The following ALOX5 variants were observed in gnomAD, a reference collection of about 807,000 sequenced individuals.
The protein encoded by ALOX5 is polyunsaturated fatty acid 5-lipoxygenase.
Under a neutral mutation model 87.9 loss-of-function variants are expected in ALOX5, and 64 were observed. The ratio of observed to expected loss-of-function variants is 0.73; its 90% CI spans 0.60 to 0.90. The LOEUF is 0.90. ALOX5 is among the 40% of genes least tolerant of loss of function. The pLI is 0.00. For missense variants in ALOX5, 822 were observed against 907.5 expected, an observed-to-expected ratio of 0.91 and a Z score of 1.21; for synonymous variants, 388 against 355.1, an observed-to-expected ratio of 1.09 and a Z score of -1.04.
chr10:45,445,380 T>C (rs1039018529), intron 13 of ALOX5, 128 bp from the exon 14 acceptor site: 10 of 1,145,260 alleles, frequency 8.7e-6, no homozygotes, highest in African/African-American at 6.2e-5. Flanking sequence ...AGGGTGAATA[T>C]GGGGAGGTGA....
intron 5 of ALOX5, among the ~76,000 whole-genome samples, chr10:45,424,384 C>T (rs1199211260): frequency 6.6e-6 from 1 of 152,216 alleles, no homozygotes; most frequent in Non-Finnish European, 1.5e-5. Context: ...CACCCTCAAC[C>T]TCATTTCACT....
rs1840480725 is a variant in ALOX5 at position 45,395,858 on chromosome 10, A to T, written c.353A>T (p.Lys118Met). 1.9e-6 allele frequency: 3 copies of T among 1,614,184 alleles called. No individual in the cohort carries two copies. Among genetic ancestry groups the T allele is most frequent in the Non-Finnish European group, 2.5e-6 (3 of 1,180,006 alleles). The change falls in exon 3 of 14, where the codon AAG becomes ATG. Residue 118 changes from lysine (K) to methionine (M), a missense_variant. Lys to Met is a moderately conservative substitution (Grantham distance 95, BLOSUM62 -1). Transcript: ENST00000374391. Reference protein sequence around the residue: ...VEVVLRDGRAKLARDDQIHIL... With the variant: ...VEVVLRDGRAMLARDDQIHIL... ...TCATGTTGTTCTTTCTTTACAGCAA[A>T]GTTGGCCCGAGATGACCAAATTCAC...
chr10:45,426,274 T>C (rs1174905264), intron 6 of ALOX5, among the ~76,000 whole-genome samples: 1 of 151,166 alleles, frequency 6.6e-6, no homozygotes, highest in Non-Finnish European at 1.5e-5. Flanking sequence ...AGCCAAGGAG[T>C]GGCCATCCTC....
intron 3 of ALOX5, 31 bp from the exon 4 acceptor site, chr10:45,412,160 A>C (rs1411068236): frequency 1.2e-6 from 2 of 1,613,824 alleles, no homozygotes; most frequent in South Asian, 2.2e-5. Flanking sequence ...GCTGGCATTT[A>C]ACTCAATTTC....
intron 3 of ALOX5, among the ~76,000 whole-genome samples, chr10:45,396,797 T>C (rs1564421745): frequency 1.3e-5 from 2 of 152,124 alleles, no homozygotes. Context: ...GCAATATAGA[T>C]ATAAACATTT....
At chr10:45,388,539 C>T (rs185507255) in intron 2 of ALOX5, among the ~76,000 whole-genome samples, 15 of 152,344 alleles carry the variant, frequency 9.8e-5, no homozygotes, top group South Asian at 8.3e-4. Context: ...CAGCAATATT[C>T]GCTGTTCTGC....
chr10:45,424,879 T>C, intron 5 of ALOX5, 81 bp from the exon 6 acceptor site: 1 of 1,548,412 alleles, frequency 6.5e-7, no homozygotes, highest in Non-Finnish European at 8.8e-7. Flanking sequence ...GGGACTCTGC[T>C]CTTAGGTGAG....
intron 2 of ALOX5, among the ~76,000 whole-genome samples, chr10:45,388,509 A>G (rs908581177): frequency 5.3e-5 from 8 of 152,260 alleles, no homozygotes; most frequent in East Asian, 1.9e-4. Context: ...AGGAGCAATC[A>G]GGCAGCAACA....
At chr10:45,424,839 C>A in intron 5 of ALOX5, 121 bp from the exon 6 acceptor site, 2 of 1,238,130 alleles carry the variant, frequency 1.6e-6, no homozygotes, top group Non-Finnish European at 2.3e-6. Flanking sequence ...TGTGCCCATC[C>A]AGGGAGCACT....
chr10:45,417,927 C>G (rs1480948219), intron 4 of ALOX5, among the ~76,000 whole-genome samples: 1 of 152,326 alleles, frequency 6.6e-6, no homozygotes, highest in East Asian at 1.9e-4. Context: ...GAGGTCCCCT[C>G]CCCTGTACTC....
At chr10:45,432,740 A>C (rs571725035) in intron 7 of ALOX5, among the ~76,000 whole-genome samples, 2 of 152,256 alleles carry the variant, frequency 1.3e-5, no homozygotes, top group Non-Finnish European at 2.9e-5. Flanking sequence ...AGAAAAACTA[A>C]TTACGCAGAC....
intron 7 of ALOX5, among the ~76,000 whole-genome samples, chr10:45,439,259 C>T (rs929031815): frequency 2.6e-5 from 4 of 152,018 alleles, no homozygotes; most frequent in Non-Finnish European, 4.4e-5. Flanking sequence ...GCACTGTTTT[C>T]GAGGGAGAGA....
rs748891757 is a variant in ALOX5 at position 45,425,035 on chromosome 10, T to A, written c.737T>A (p.Ile246Asn). 2 of 1,614,022 alleles carry A rather than the reference T, an allele frequency of 1.2e-6. No individual in the cohort carries two copies. Among genetic ancestry groups the A allele is most frequent in the East Asian group, 4.5e-5 (2 of 44,892 alleles). ...QFLNGCNPVL[I>N]RRCTELPEKL... The stretch of plus-strand genomic sequence containing the variant: ...CTGAATGGCTGCAACCCTGTGTTGA[T>A]CCGGCGCTGCACAGAGCTGCCCGAG... Residue 246 changes from isoleucine to asparagine, a missense_variant, in exon 6 of 14, where the codon ATC becomes AAC. Physicochemically the swap from Ile to Asn is moderately radical, Grantham distance 149. Transcript: ENST00000374391. This position sits in a 1 kb window ranked among gnomAD's most constrained non-coding sequence, Gnocchi z 4.4.
intron 4 of ALOX5, among the ~76,000 whole-genome samples, chr10:45,421,936 T>C (rs1239150865): frequency 1.3e-5 from 2 of 152,084 alleles, no homozygotes; most frequent in African/African-American, 2.4e-5. Context: ...TCCTGACACA[T>C]GAGGAGAAAA....
At chr10:45,422,728 C>A (rs1841546348) in intron 4 of ALOX5, among the ~76,000 whole-genome samples, 2 of 152,184 alleles carry the variant, frequency 1.3e-5, no homozygotes, top group Admixed American at 6.5e-5. Flanking sequence ...TCCAGATACA[C>A]CCCATGTGCG....
At chr10:45,382,919 G>A (rs765755707) in intron 2 of ALOX5, among the ~76,000 whole-genome samples, 19 of 152,252 alleles carry the variant, frequency 1.2e-4, no homozygotes, top group African/African-American at 4.1e-4. Context: ...CTCACTCTGC[G>A]CTACAGTTCT....
rs564018785 is a variant in ALOX5, at chr10:45,444,304, G to A, written c.1845+18G>A. On this transcript the variant is annotated intron_variant, in intron 13 of 13. Transcript: ENST00000374391. ...AAAACGAGGTGAAGCTGGGCAGGGC[G>A]GGGCACAGCCCCAGGTCACCCCAGG... The A allele has an allele frequency of 3.9e-6, 6 of 1,543,446 alleles. No individual in the cohort carries two copies. Among genetic ancestry groups the A allele is most frequent in the African/African-American group, 2.7e-5 (2 of 73,356 alleles).
At chr10:45,430,455 A>T (rs952542186) in intron 7 of ALOX5, among the ~76,000 whole-genome samples, 2 of 152,148 alleles carry the variant, frequency 1.3e-5, no homozygotes, top group African/African-American at 2.4e-5. Flanking sequence ...ATTCGGAATA[A>T]AAAAGGAATC....
chr10:45,393,490 C>T (rs1382945379), intron 2 of ALOX5, among the ~76,000 whole-genome samples: 1 of 152,090 alleles, frequency 6.6e-6, no homozygotes, highest in Non-Finnish European at 1.5e-5. Context: ...AACCCACAAC[C>T]AATATCATAC....
Sources: gnomAD v4.1 joint callset for allele counts (sites outside exome capture counted in the v4.1 genomes callset) on GRCh38, gnomAD v4.1.1 for gene constraint, Gnocchi (gnomAD v3.1) non-coding constraint, MANE v1.5 for transcripts, NCBI Gene and HGNC (gene_info 2026-07-23, HGNC 2026-07-21) for gene names.